The following KRT8 variants were observed in gnomAD, a reference collection of about 807,000 sequenced individuals.
KRT8 encodes keratin 8.
KRT8 carries 24 observed loss-of-function variants against 43.0 expected under a neutral mutation model. The observed-to-expected ratio is 0.56, with a 90% CI of 0.40 to 0.78. KRT8 has a LOEUF of 0.78. KRT8 is among the 30% of genes least tolerant of loss of function. KRT8 has a pLI of 0.00. For synonymous variants in KRT8, 214 were observed against 261.2 expected (o/e 0.82, Z 1.74); for missense variants, 492 against 638.4 (o/e 0.77, Z 2.47).
intron 2 of KRT8, among the ~76,000 whole-genome samples, chr12:52,941,780 G>A (rs985605659): frequency 1.9e-4 from 29 of 152,120 alleles, no homozygotes; most frequent in African/African-American, 6.8e-4. Flanking sequence ...GAGCCACCGT[G>A]CCTGGCTTTT....
chr12:52,900,189 G>C, intron 4 of KRT8, 124 bp from the exon 5 acceptor site: 1 of 988,738 alleles, frequency 1.0e-6, no homozygotes. Context: ...TGGGAGTCAG[G>C]GTCAGGGAGA....
At chr12:52,935,476 AG>A (rs1942155309) in intron 2 of KRT8, among the ~76,000 whole-genome samples, 1 of 144,022 alleles carries the variant, frequency 6.9e-6, no homozygotes. Context: ...GTGTATCACG[AG>A]GTCAGGAGAT....
At chr12:52,925,921 T>C (rs758800084) in intron 2 of KRT8, among the ~76,000 whole-genome samples, 33 of 152,026 alleles carry the variant, frequency 2.2e-4, no homozygotes, top group Non-Finnish European at 3.7e-4. Flanking sequence ...GGGCCCCAGG[T>C]AGGGGAGGAA....
chr12:52,897,263 A>C (rs775758235), exon 8 of KRT8: 32 of 706,850 alleles, frequency 4.5e-5, no homozygotes, highest in Non-Finnish European at 7.6e-5. Context: ...AGCTGGAGGC[A>C]TGGGCAAGGG....
intron 2 of KRT8, among the ~76,000 whole-genome samples, chr12:52,919,287 G>C (rs1467357171): frequency 6.6e-6 from 1 of 152,042 alleles, no homozygotes; most frequent in African/African-American, 2.4e-5. Flanking sequence ...TTTTGAGACA[G>C]AGTCTCACTC....
intron 2 of KRT8, among the ~76,000 whole-genome samples, chr12:52,925,434 G>T (rs1379765551): frequency 6.6e-6 from 1 of 152,104 alleles, no homozygotes; most frequent in East Asian, 1.9e-4. Context: ...TATGAATGGC[G>T]CCATTTAGGG....
At chr12:52,902,487 C>T (rs1260001900) in intron 1 of KRT8, among the ~76,000 whole-genome samples, 1 of 152,080 alleles carries the variant, frequency 6.6e-6, no homozygotes, top group Non-Finnish European at 1.5e-5. Context: ...ATGCCATTCT[C>T]CTGCCCCTGC....
At chr12:52,898,340 C>G in intron 7 of KRT8, 121 bp downstream of exon 7, 1 of 819,160 alleles carries the variant, frequency 1.2e-6, no homozygotes, top group South Asian at 1.5e-5. Flanking sequence ...TAGGATTCTC[C>G]CAAGAACATG....
At chr12:52,940,148 C>G (rs1942242002) in intron 2 of KRT8, among the ~76,000 whole-genome samples, 1 of 150,538 alleles carries the variant, frequency 6.6e-6, no homozygotes, top group African/African-American at 2.4e-5. Flanking sequence ...AAGCTACACA[C>G]CAGGCCAGGC....
chr12:52,922,956 G>A lies in KRT8; in HGVS notation c.-46-17929C>T, dbSNP rs58393006. ...CGGCCAACACCTCTGATAAAGGAAG[G>A]TGCCTTCCAGAAGACCTCCAGGAGC... On this transcript the variant is annotated intron_variant, in intron 2 of 6. Coordinates refer to the KRT8 transcript ENST00000546826. Among the ~76,000 whole-genome samples, 731 of 152,230 alleles carry A rather than the reference G, an allele frequency of 4.8e-3. 4 individuals are homozygous for A. The highest frequency in any genetic ancestry group is 0.017 in the African/African-American group (693 of 41,536).
At chr12:52,906,068 G>A (rs889047997), upstream of KRT8, among the ~76,000 whole-genome samples, 3 of 152,138 alleles carry the variant, frequency 2.0e-5, no homozygotes, top group South Asian at 2.1e-4. Flanking sequence ...GCGACAGAGC[G>A]AGATTCCATC....
intron 2 of KRT8, among the ~76,000 whole-genome samples, chr12:52,923,664 C>T (rs910699369): frequency 1.3e-5 from 2 of 151,872 alleles, no homozygotes; most frequent in African/African-American, 2.4e-5. Context: ...GTGATCCGCC[C>T]GCCTCGGCCT....
intron 2 of KRT8, among the ~76,000 whole-genome samples, chr12:52,938,467 T>TA (rs1226470013): frequency 6.6e-6 from 1 of 151,692 alleles, no homozygotes; most frequent in Non-Finnish European, 1.5e-5. Flanking sequence ...ACATCCAGCC[T>TA]AACTTTTGTT....
chr12:52,911,395 A>C (rs1393808278), upstream of KRT8, among the ~76,000 whole-genome samples: 3 of 152,288 alleles, frequency 2.0e-5, no homozygotes, highest in Middle Eastern at 6.8e-3. Flanking sequence ...TCATCATTAA[A>C]TCAGCATATT....
At chr12:52,929,501 T>G (rs1254724233) in intron 2 of KRT8, among the ~76,000 whole-genome samples, 2 of 152,222 alleles carry the variant, frequency 1.3e-5, no homozygotes, top group Non-Finnish European at 2.9e-5. Context: ...ACCGCCTTTC[T>G]TAAAAGACAA....
At chr12:52,901,369 T>C (rs1941366376) in intron 2 of KRT8, 150 bp from the exon 3 acceptor site, 2 of 704,224 alleles carry the variant, frequency 2.8e-6, no homozygotes, top group Non-Finnish European at 5.2e-6. Context: ...CTTCCCCAGC[T>C]GCCCTCTCCA....
chr12:52,914,352 C>T (rs987437936), intron 2 of KRT8, among the ~76,000 whole-genome samples: 1 of 152,088 alleles, frequency 6.6e-6, no homozygotes, highest in Non-Finnish European at 1.5e-5. Flanking sequence ...GCCTGACCAA[C>T]ATGGAGAAAC....
At chr12:52,926,332 G>GGCCCCCCCCCCCCCCCCCCCCCC in intron 2 of KRT8, 4 of 600,262 alleles carry the variant, frequency 6.7e-6, no homozygotes, top group Non-Finnish European at 9.1e-6. Context: ...GGCACTAGCT[G>GGCCCCCCCCCCCCCCCCCCCCCC]CCCTCCCCAC....
At chr12:52,903,128 T>C (rs533090723) in intron 1 of KRT8, among the ~76,000 whole-genome samples, 23 of 152,340 alleles carry the variant, frequency 1.5e-4, no homozygotes, top group Admixed American at 3.9e-4. Flanking sequence ...CAGGTCATTC[T>C]GCCCCAAAAT....
Sources: gnomAD v4.1 joint callset for allele counts (sites outside exome capture counted in the v4.1 genomes callset) on GRCh38, gnomAD v4.1.1 for gene constraint, MANE v1.5 for transcripts, NCBI Gene and HGNC (gene_info 2026-07-23, HGNC 2026-07-21) for gene names.